Variants in EYA4 observed in about 807,000 individuals in gnomAD.
The protein encoded by EYA4 is protein phosphatase EYA4.
Under a neutral mutation model 87.9 loss-of-function variants are expected in EYA4, and 31 were observed. The observed-to-expected ratio is 0.35, with a 90% CI of 0.27 to 0.48. EYA4 has a LOEUF of 0.48. Ranked by LOEUF, EYA4 falls within the 20% of genes least tolerant of loss-of-function variation. EYA4 has a pLI of 0.99. For missense variants in EYA4, 678 were observed against 761.4 expected (o/e 0.89, Z 1.29); for synonymous variants, 263 against 270.6 (o/e 0.97, Z 0.28).
At chr6:133,367,184 T>C (rs1406970218) in intron 2 of EYA4, among the ~76,000 whole-genome samples, 1 of 152,202 alleles carries the variant, frequency 6.6e-6, no homozygotes, top group Non-Finnish European at 1.5e-5. Flanking sequence ...TCCGTGCAAC[T>C]GAGGCTACTG....
chr6:133,304,923 T>C (rs565438804), intron 2 of EYA4, among the ~76,000 whole-genome samples: 1 of 152,302 alleles, frequency 6.6e-6, no homozygotes, highest in African/African-American at 2.4e-5. Context: ...CAGTGAAATA[T>C]ACAGTCTGTT....
chr6:133,359,111 A>G (rs369461136), intron 2 of EYA4, among the ~76,000 whole-genome samples: 1 of 152,242 alleles, frequency 6.6e-6, no homozygotes, highest in African/African-American at 2.4e-5. Context: ...TGGTCTGACA[A>G]AAGATACAGA....
At chr6:133,380,618 G>A (rs1475795262) in intron 2 of EYA4, among the ~76,000 whole-genome samples, 1 of 152,098 alleles carries the variant, frequency 6.6e-6, no homozygotes, top group African/African-American at 2.4e-5. Flanking sequence ...TCATTGGGCA[G>A]TTCATATAGT....
At chr6:133,466,062 T>A (rs917303020) in intron 10 of EYA4, among the ~76,000 whole-genome samples, 1 of 152,100 alleles carries the variant, frequency 6.6e-6, no homozygotes, top group African/African-American at 2.4e-5. Flanking sequence ...TGGCTAGGGA[T>A]TGAAGATTCA....
At chr6:133,485,631 G>A (rs79547610) in intron 13 of EYA4, among the ~76,000 whole-genome samples, 1,630 of 152,286 alleles carry the variant, frequency 0.011, 32 homozygotes, top group African/African-American at 0.038. Context: ...CCAAACAGGA[G>A]TAAAGACAAT....
chr6:133,502,074 T>A (rs1157704323), intron 13 of EYA4, among the ~76,000 whole-genome samples: 4 of 150,218 alleles, frequency 2.7e-5, no homozygotes, highest in Admixed American at 6.6e-5. Flanking sequence ...TCTCTCTCAC[T>A]CTCTCTCTCT....
In EYA4 at chr6:133,458,085, A is replaced by G. The variant is rs1462274537; in HGVS notation, c.370+1437A>G. ...CCTTTCTGTAATGCCCCATCAGAAAATAGATGGAAAAAGAAATAGGCATGA... is the reference window on the plus strand; with the variant it reads ...CCTTTCTGTAATGCCCCATCAGAAAGTAGATGGAAAAAGAAATAGGCATGA... On this transcript the variant is annotated intron_variant, in intron 6 of 19. Coordinates refer to ENST00000355286, the MANE Select transcript of EYA4 (RefSeq NM_004100.5). 7.9e-5 allele frequency among the ~76,000 whole-genome samples: 12 copies of G among 152,130 alleles called. No homozygotes were observed. The East Asian group carries it at 2.1e-3, about 27-fold the overall frequency.
chr6:133,328,407 G>A (rs1781669081), intron 2 of EYA4, among the ~76,000 whole-genome samples: 1 of 152,114 alleles, frequency 6.6e-6, no homozygotes, highest in Non-Finnish European at 1.5e-5. Context: ...TGTGGGGGTT[G>A]ATTGCATAGG....
In EYA4 at chr6:133,529,448, A is replaced by C. The variant is rs975246197; in HGVS notation, c.*643A>C. 1.0e-6 allele frequency: 1 copy of C among 987,996 alleles called. No homozygotes were observed. The highest frequency in any genetic ancestry group is 1.2e-6 in the Non-Finnish European group (1 of 831,596). 61.2% of individuals were successfully genotyped at this position (987,996 alleles called of 1,614,324 possible). A position where few individuals can be genotyped will look rare whatever the true frequency, so the allele number is the denominator to read the frequency against. On this transcript the variant is annotated 3_prime_UTR_variant, in exon 20 of 20. Coordinates refer to ENST00000355286, the MANE Select transcript of EYA4 (RefSeq NM_004100.5). ...TTTGGCAAACAGAATGTTCATACTG[A>C]TGTGTTGTGCCTTAAAGACAAGACA...
intron 3 of EYA4, among the ~76,000 whole-genome samples, chr6:133,398,261 T>G (rs1562373933): frequency 1.3e-5 from 2 of 152,200 alleles, no homozygotes; most frequent in African/African-American, 4.8e-5. Context: ...TGAGTCCATG[T>G]GTATGCTAGG....
At chr6:133,412,370 C>T (rs1048249135) in intron 3 of EYA4, among the ~76,000 whole-genome samples, 3 of 152,200 alleles carry the variant, frequency 2.0e-5, no homozygotes, top group African/African-American at 2.4e-5. Flanking sequence ...CCATGTAATC[C>T]GTACCCAGAG....
At chr6:133,268,273 G>A (rs1776388553) in intron 1 of EYA4, among the ~76,000 whole-genome samples, 1 of 152,012 alleles carries the variant, frequency 6.6e-6, no homozygotes, top group South Asian at 2.1e-4. Context: ...ATAATCTGTT[G>A]TATCCTTTTA....
chr6:133,248,050 C>T (rs889169205), intron 1 of EYA4: 4 of 152,110 alleles, frequency 2.6e-5, no homozygotes, highest in Non-Finnish European at 4.4e-5. Context: ...TCTTCAAATT[C>T]GATTTAGCAC....
intron 2 of EYA4, among the ~76,000 whole-genome samples, chr6:133,301,043 G>A (rs1321552455): frequency 6.6e-6 from 1 of 152,164 alleles, no homozygotes; most frequent in Non-Finnish European, 1.5e-5. Flanking sequence ...TTCGTATCAT[G>A]TGTTTCATAT....
intron 9 of EYA4, among the ~76,000 whole-genome samples, 196 bp from the exon 10 acceptor site, chr6:133,464,583 T>C (rs1364214010): frequency 6.6e-6 from 1 of 152,122 alleles, no homozygotes; most frequent in Non-Finnish European, 1.5e-5. Context: ...CTCAACAGAT[T>C]CAATAGGAAA....
chr6:133,523,684 A>C (rs1266545052), intron 18 of EYA4, among the ~76,000 whole-genome samples: 3 of 152,184 alleles, frequency 2.0e-5, no homozygotes, highest in African/African-American at 7.2e-5. Flanking sequence ...AATGTGCAGT[A>C]GCAATCAAAG....
At chr6:133,301,174 C>G (rs983256608) in intron 2 of EYA4, among the ~76,000 whole-genome samples, 1 of 152,096 alleles carries the variant, frequency 6.6e-6, no homozygotes, top group Non-Finnish European at 1.5e-5. Context: ...TTATTATAAT[C>G]ATAAGAGTAT....
chr6:133,427,881 A>G, intron 3 of EYA4, among the ~76,000 whole-genome samples: 1 of 127,156 alleles, frequency 7.9e-6, no homozygotes, highest in East Asian at 2.8e-4. Context: ...AGATTCTGTT[A>G]TAAGTATAGC....
chr6:133,412,735 G>A lies in EYA4; in HGVS notation c.83+30294G>A, dbSNP rs141273805. Among the ~76,000 whole-genome samples the A allele has an allele frequency of 3.9e-5, 6 of 152,200 alleles. No individual in the cohort carries two copies. In the East Asian group the frequency reaches 1.2e-3, roughly 29 times the overall value. On this transcript the variant is annotated intron_variant, in intron 3 of 19. Transcript: ENST00000355286. ...TTTCCTATTCAGCATAGATCTCATG[G>A]CTCACCTTTTCAACCACTAATCTTC...
Sources: allele counts gnomAD v4.1 joint callset (sites outside exome capture counted in the v4.1 genomes callset), GRCh38; gene constraint gnomAD v4.1.1; transcripts MANE v1.5; gene names NCBI Gene and HGNC (gene_info 2026-07-23, HGNC 2026-07-21).